Variants in DOK5 observed in about 807,000 individuals in gnomAD.
DOK5 encodes the protein docking protein 5, also known as downstream of tyrosine kinase 5.
A neutral mutation model predicts 43.3 loss-of-function variants in DOK5; 27 were observed. The ratio of observed to expected loss-of-function variants is 0.62; its 90% CI spans 0.46 to 0.86. DOK5 has a LOEUF of 0.86. Ranked by LOEUF, DOK5 falls within the 40% of genes least tolerant of loss-of-function variation. The pLI is 0.00. For synonymous variants in DOK5, 146 were observed against 140.1 expected, an observed-to-expected ratio of 1.04 and a Z score of -0.30; for missense variants, 373 against 392.9, an observed-to-expected ratio of 0.95 and a Z score of 0.43.
chr20:54,633,784 G>T (rs1328532061), intron 6 of DOK5, among the ~76,000 whole-genome samples: 1 of 152,206 alleles, frequency 6.6e-6, no homozygotes, highest in Non-Finnish European at 1.5e-5. Context: ...TAGGTATTGA[G>T]GTACTGATCT....
intron 1 of DOK5, among the ~76,000 whole-genome samples, chr20:54,519,697 G>T (rs919741818): frequency 1.3e-5 from 2 of 152,028 alleles, no homozygotes; most frequent in Non-Finnish European, 2.9e-5. Flanking sequence ...TAAAGAAAGA[G>T]AAATAAGCTG....
intron 1 of DOK5, among the ~76,000 whole-genome samples, chr20:54,480,272 G>A (rs1391264275): frequency 6.6e-6 from 1 of 152,030 alleles, no homozygotes; most frequent in African/African-American, 2.4e-5. Flanking sequence ...TGAGATAGGA[G>A]GTCGGCACAA....
chr20:54,541,447 T>G (rs1984155383), intron 1 of DOK5, among the ~76,000 whole-genome samples: 1 of 152,146 alleles, frequency 6.6e-6, no homozygotes, highest in Admixed American at 6.5e-5. Context: ...TATTTTTTAC[T>G]TTTTTTGAGG....
intron 6 of DOK5, among the ~76,000 whole-genome samples, chr20:54,616,246 C>T (rs893940270): frequency 6.6e-6 from 1 of 152,220 alleles, no homozygotes; most frequent in Non-Finnish European, 1.5e-5. Flanking sequence ...AAATTTGGAA[C>T]AGGTGTGCTG....
chr20:54,529,036 T>G (rs1983673988), intron 1 of DOK5, among the ~76,000 whole-genome samples: 1 of 152,202 alleles, frequency 6.6e-6, no homozygotes, highest in Non-Finnish European at 1.5e-5. Flanking sequence ...GACTGTTCTC[T>G]GGGTCCTGAG....
chr20:54,599,002 TATGA>T (rs1986228649), intron 5 of DOK5, among the ~76,000 whole-genome samples: 1 of 152,234 alleles, frequency 6.6e-6, no homozygotes, highest in Admixed American at 6.5e-5. Context: ...TTTGATAGCT[TATGA>T]ATATTTTCTA....
rs111228571 is a variant in DOK5 at position 54,644,005 on chromosome 20, C to A, written c.856+427C>A. The stretch of plus-strand genomic sequence containing the variant: ...GAAGTCTTGCTAGAAATGCAAATTT[C>A]CATGCCCTTCCCCAGACCTACTGAA... On this transcript the variant is annotated intron_variant, in intron 7 of 7. Transcript: ENST00000262593. 1.1e-4 allele frequency among the ~76,000 whole-genome samples: 16 copies of A among 152,252 alleles called. 1 individual carries two copies. The highest frequency in any genetic ancestry group is 3.9e-4 in the African/African-American group (16 of 41,540).
intron 5 of DOK5, among the ~76,000 whole-genome samples, chr20:54,592,562 T>C (rs1600722600): frequency 6.6e-6 from 1 of 150,690 alleles, no homozygotes; most frequent in African/African-American, 2.4e-5. Context: ...TTTTTTGAGA[T>C]GGAGTCTCGC....
intron 2 of DOK5, among the ~76,000 whole-genome samples, chr20:54,580,898 A>G (rs1168528935): frequency 6.6e-6 from 1 of 151,708 alleles, no homozygotes; most frequent in African/African-American, 2.4e-5. Context: ...CTACTTGTCT[A>G]TTTTTGCTTT....
intron 2 of DOK5, among the ~76,000 whole-genome samples, chr20:54,579,450 C>T (rs982635901): frequency 6.6e-6 from 1 of 151,996 alleles, no homozygotes; most frequent in African/African-American, 2.4e-5. Context: ...CTTAAGTGTA[C>T]AGTGCAGTAT....
rs770586654 is a variant in DOK5, at chr20:54,591,598, C to A, written c.410-18C>A. The A allele has an allele frequency of 2.0e-5, 31 of 1,545,468 alleles. No homozygotes were observed. The East Asian group carries it at 3.8e-4, about 19-fold the overall frequency. On this transcript the variant is annotated intron_variant, in intron 4 of 7. Transcript: ENST00000262593. ...TTATTCCTGGGGATTTTAGACTAAC[C>A]TTTTGTTTTTCTCCCAGAGAGATTC...
chr20:54,636,910 G>C (rs746522775), intron 6 of DOK5, among the ~76,000 whole-genome samples: 35 of 152,162 alleles, frequency 2.3e-4, no homozygotes, highest in Admixed American at 7.2e-4. Context: ...AGGACTTTTG[G>C]GGGGGACAAA....
rs149989296 is a variant in DOK5 at position 54,485,955 on chromosome 20, A to G, written c.66+9943A>G. On this transcript the variant is annotated intron_variant, in intron 1 of 7. Transcript: ENST00000262593. Reference sequence around the variant, plus strand: ...TTCCTGTTTGCCGTCCATGTCAGTAAAATGCCTGGATTGCTTATTTTTTAA... The same window carrying G: ...TTCCTGTTTGCCGTCCATGTCAGTAGAATGCCTGGATTGCTTATTTTTTAA... Among the ~76,000 whole-genome samples, 10 of 152,286 alleles carry G rather than the reference A, an allele frequency of 6.6e-5. No homozygotes were observed. The East Asian group carries it at 1.9e-3, about 29-fold the overall frequency.
At chr20:54,590,462 A>G (rs1412698331) in intron 4 of DOK5, among the ~76,000 whole-genome samples, 2 of 152,026 alleles carry the variant, frequency 1.3e-5, no homozygotes, top group East Asian at 3.9e-4. Context: ...ATTGATAATG[A>G]TCTCTCTTAC....
chr20:54,499,949 C>G (rs1226529805), intron 1 of DOK5, among the ~76,000 whole-genome samples: 1 of 152,200 alleles, frequency 6.6e-6, no homozygotes, highest in Non-Finnish European at 1.5e-5. Flanking sequence ...TATATTGATG[C>G]ATAGTCCTGT....
At chr20:54,644,723 A>AAAAAAAACAC (rs1555839841) in intron 7 of DOK5, among the ~76,000 whole-genome samples, 6 of 142,404 alleles carry the variant, frequency 4.2e-5, no homozygotes, top group Non-Finnish European at 9.0e-5. Context: ...AAAAAAAAAA[A>AAAAAAAACAC]ACAAAATTTA....
intron 6 of DOK5, among the ~76,000 whole-genome samples, chr20:54,637,034 C>A (rs1055204930): frequency 2.6e-5 from 4 of 152,150 alleles, no homozygotes; most frequent in Non-Finnish European, 5.9e-5. Context: ...CTTTTTATAG[C>A]AATCTGAATA....
intron 1 of DOK5, among the ~76,000 whole-genome samples, chr20:54,523,838 G>A (rs1983494372): frequency 6.6e-6 from 1 of 151,992 alleles, no homozygotes; most frequent in Non-Finnish European, 1.5e-5. Flanking sequence ...TCTGACCTCA[G>A]GTAATCCACA....
intron 2 of DOK5, among the ~76,000 whole-genome samples, chr20:54,572,192 G>T (rs369184386): frequency 6.7e-6 from 1 of 148,770 alleles, no homozygotes; most frequent in African/African-American, 2.5e-5. Context: ...ACGGAGTCTC[G>T]CTCTGTTGCC....
Sources: gnomAD v4.1 joint callset for allele counts (sites outside exome capture counted in the v4.1 genomes callset) on GRCh38, gnomAD v4.1.1 for gene constraint, MANE v1.5 for transcripts, NCBI Gene and HGNC (gene_info 2026-07-23, HGNC 2026-07-21) for gene names.